Variants in OPCML observed in about 807,000 individuals in gnomAD.
OPCML encodes opioid binding protein/cell adhesion molecule like.
OPCML carries 13 observed loss-of-function variants against 37.8 expected under a neutral mutation model. That is an observed-to-expected ratio of 0.34 (90% CI 0.22 to 0.55). The LOEUF (loss-of-function observed/expected upper bound fraction) is 0.55, where lower values mean the gene tolerates loss of function less well. Ranked by LOEUF, OPCML falls within the 20% of genes least tolerant of loss-of-function variation. The probability of loss-of-function intolerance (pLI) is 0.91; values close to 1 mark genes in which losing one functional copy is unlikely to be tolerated. For missense variants in OPCML, 341 were observed against 435.6 expected, an observed-to-expected ratio of 0.78 and a Z score of 1.93; for synonymous variants, 176 against 168.8, an observed-to-expected ratio of 1.04 and a Z score of -0.33.
chr11:133,000,670 CTT>C (rs1191944106), intron 1 of OPCML, among the ~76,000 whole-genome samples: 1 of 152,286 alleles, frequency 6.6e-6, no homozygotes, highest in East Asian at 1.9e-4. Flanking sequence ...ACCACACTCT[CTT>C]TTCATTTAAA....
At chr11:133,027,279 G>A (rs1337397856) in intron 1 of OPCML, among the ~76,000 whole-genome samples, 1 of 152,188 alleles carries the variant, frequency 6.6e-6, no homozygotes, top group Non-Finnish European at 1.5e-5. Flanking sequence ...GTAATAATCT[G>A]TACCACATGG....
At chr11:132,980,189 G>A (rs141316980) in intron 1 of OPCML, among the ~76,000 whole-genome samples, 64 of 152,312 alleles carry the variant, frequency 4.2e-4, no homozygotes, top group Non-Finnish European at 6.6e-4. Flanking sequence ...AGCTCTATGA[G>A]TAGATGGGGT....
chr11:133,130,623 C>T (rs1337937571), intron 1 of OPCML, among the ~76,000 whole-genome samples: 3 of 151,886 alleles, frequency 2.0e-5, no homozygotes, highest in South Asian at 4.2e-4. Flanking sequence ...CACAAAGACC[C>T]CCAAATAACC....
At chr11:133,438,609 T>C (rs1946293270) in intron 1 of OPCML, among the ~76,000 whole-genome samples, 1 of 152,304 alleles carries the variant, frequency 6.6e-6, no homozygotes, top group South Asian at 2.1e-4. Flanking sequence ...CTTTGCACCT[T>C]ATTCCCCATA....
chr11:132,471,402 T>C (rs2096137618), intron 4 of OPCML, among the ~76,000 whole-genome samples: 2 of 152,298 alleles, frequency 1.3e-5, no homozygotes, highest in East Asian at 3.9e-4. Flanking sequence ...CAGTAATCAT[T>C]TGTTGTCTCT....
chr11:133,442,281 G>C (rs1452262874), intron 1 of OPCML, among the ~76,000 whole-genome samples: 1 of 151,536 alleles, frequency 6.6e-6, no homozygotes, highest in Non-Finnish European at 1.5e-5. Flanking sequence ...CTTTTAAAAA[G>C]GTCAATAATA....
At chr11:132,732,626 C>T (rs1945948) in intron 2 of OPCML, among the ~76,000 whole-genome samples, 93,801 of 151,894 alleles carry the variant, frequency 0.62, 29,386 homozygotes, top group Admixed American at 0.66. Flanking sequence ...TGGCACCCTA[C>T]AACCCCAGTG....
Position 132,855,517 on chromosome 11 carries a change from C to G in OPCML, c.146+87409G>C, listed in dbSNP as rs368496192. 6.8e-4 allele frequency among the ~76,000 whole-genome samples: 103 copies of G among 152,336 alleles called. 2 individuals carry two copies. In the South Asian group the frequency reaches 0.021, roughly 31 times the overall value. Reference sequence around the variant, plus strand: ...CTGTGCAGCAGGCATGAAGACCACTCTGGGTGATTACAATATGATTTCATT... The same window carrying G: ...CTGTGCAGCAGGCATGAAGACCACTGTGGGTGATTACAATATGATTTCATT... On this transcript the variant is annotated intron_variant, in intron 2 of 7. Transcript: ENST00000524381.
chr11:132,522,122 C>T (rs1035779672), intron 4 of OPCML, among the ~76,000 whole-genome samples: 11 of 152,184 alleles, frequency 7.2e-5, no homozygotes, highest in African/African-American at 2.7e-4. Flanking sequence ...CATCACAATG[C>T]CTTTCAGGTC....
rs191513332 is a variant in OPCML at position 132,491,951 on chromosome 11, T to A, written c.505+37110A>T. 1.7e-3 allele frequency among the ~76,000 whole-genome samples: 238 copies of A among 143,724 alleles called. 4 individuals are homozygous for A. Among genetic ancestry groups the A allele is most frequent in the Admixed American group, 0.014 (204 of 14,120 alleles). The allele number at this position is 143,724 out of a possible 152,430, so 94.3% of individuals were successfully genotyped here. A position where few individuals can be genotyped will look rare whatever the true frequency, so the allele number is the denominator to read the frequency against. On this transcript the variant is annotated intron_variant, in intron 4 of 7. Transcript: ENST00000524381. ...TTTTTTTTTTTTTTTTTTTTTACTA[T>A]CCAGTGAACAAAGAGAGTCTGACAG...
At chr11:133,453,644 GT>G (rs374665570) in intron 1 of OPCML, among the ~76,000 whole-genome samples, 22 of 152,278 alleles carry the variant, frequency 1.4e-4, no homozygotes, top group African/African-American at 4.3e-4. Context: ...CAGTGCACCA[GT>G]TTCCTAAACA....
chr11:132,628,674 G>A (rs1939892433), intron 3 of OPCML, among the ~76,000 whole-genome samples: 1 of 152,030 alleles, frequency 6.6e-6, no homozygotes. Context: ...CACCACCTGT[G>A]TCCCCAGCCA....
Position 132,703,531 on chromosome 11 carries a change from GA to G in OPCML, c.147-46213del, listed in dbSNP as rs546120594. On this transcript the variant is annotated intron_variant, in intron 2 of 7. Transcript: ENST00000524381. ...GTCTGTATAGACTGTCTTTGCCAGG[GA>G]AGTCATTTCCCACTCAGTCTGTCCA... Among the ~76,000 whole-genome samples the G allele has an allele frequency of 2.5e-3, 377 of 152,302 alleles. 3 individuals are homozygous for G. Among genetic ancestry groups the G allele is most frequent in the South Asian group, 5.4e-3 (26 of 4,822 alleles).
intron 1 of OPCML, among the ~76,000 whole-genome samples, chr11:133,392,890 C>T (rs1945202729): frequency 6.6e-6 from 1 of 152,150 alleles, no homozygotes; most frequent in African/African-American, 2.4e-5. Flanking sequence ...TGGTATGTCA[C>T]CTTAGAGGTA....
chr11:132,456,874 C>T (rs2096084423), intron 4 of OPCML, among the ~76,000 whole-genome samples: 1 of 152,232 alleles, frequency 6.6e-6, no homozygotes, highest in Admixed American at 6.5e-5. Context: ...GCTTATTAAT[C>T]ATGCTCATTA....
intron 1 of OPCML, among the ~76,000 whole-genome samples, chr11:133,286,902 G>A (rs1942314731): frequency 6.6e-6 from 1 of 152,180 alleles, no homozygotes; most frequent in South Asian, 2.1e-4. Flanking sequence ...GAGGAAGTTT[G>A]GATGATTTAG....
rs553982258 is a variant in OPCML, at chr11:133,458,637, A to G, written c.61+73627T>C. Among the ~76,000 whole-genome samples, 64 of 132,198 alleles carry G rather than the reference A, an allele frequency of 4.8e-4. 6 individuals are homozygous for G. Among genetic ancestry groups the G allele is most frequent in the Non-Finnish European group, 8.0e-4 (53 of 66,662 alleles). 86.7% of individuals were successfully genotyped at this position (132,198 alleles called of 152,430 possible). A position where few individuals can be genotyped will look rare whatever the true frequency, so the allele number is the denominator to read the frequency against. On this transcript the variant is annotated intron_variant, in intron 1 of 7. Transcript: ENST00000524381. ...CACATATATACACGTGTGTGTGTAT[A>G]TACACATAGATGCACGTGTGTGTGT...
intron 4 of OPCML, among the ~76,000 whole-genome samples, chr11:132,479,748 C>A (rs1354851448): frequency 1.3e-5 from 2 of 152,118 alleles, no homozygotes; most frequent in East Asian, 3.9e-4. Flanking sequence ...CTGGGAGGCA[C>A]CCCCCAGCAG....
intron 1 of OPCML, among the ~76,000 whole-genome samples, chr11:133,257,860 T>G (rs1295108540): frequency 6.6e-6 from 1 of 152,016 alleles, no homozygotes; most frequent in Non-Finnish European, 1.5e-5. Flanking sequence ...TTTTTTTTTT[T>G]TTAACTTTCC....
Sources: gnomAD v4.1 joint callset for allele counts (sites outside exome capture counted in the v4.1 genomes callset) on GRCh38, gnomAD v4.1.1 for gene constraint, MANE v1.5 for transcripts, NCBI Gene and HGNC (gene_info 2026-07-23, HGNC 2026-07-21) for gene names.